CSMD3: variants seen among roughly 807,000 people sequenced by gnomAD.
The protein encoded by CSMD3 is CUB and Sushi multiple domains 3.
Under a neutral mutation model 435.2 loss-of-function variants are expected in CSMD3, and 177 were observed. The observed-to-expected ratio is 0.41, with a 90% CI of 0.36 to 0.46. The LOEUF is 0.46. Ranked by LOEUF, CSMD3 falls within the 20% of genes least tolerant of loss-of-function variation. The pLI is 0.34. For missense variants in CSMD3, 4,265 were observed against 4,504.6 expected, an observed-to-expected ratio of 0.95 and a Z score of 1.52; for synonymous variants, 1,656 against 1,520.5, an observed-to-expected ratio of 1.09 and a Z score of -2.07.
intron 11 of CSMD3, among the ~76,000 whole-genome samples, chr8:112,856,741 A>G (rs1391417953): frequency 6.6e-6 from 1 of 151,880 alleles, no homozygotes; most frequent in African/African-American, 2.4e-5. Flanking sequence ...AGAACACCAT[A>G]ATTGCTCAAA....
chr8:113,270,625 C>A (rs1037804257), intron 3 of CSMD3, among the ~76,000 whole-genome samples: 4 of 152,054 alleles, frequency 2.6e-5, no homozygotes, highest in African/African-American at 7.2e-5. Flanking sequence ...CACATATACA[C>A]CATGGAATAC....
chr8:112,261,425 C>A (rs1816388434), intron 61 of CSMD3, among the ~76,000 whole-genome samples: 1 of 151,902 alleles, frequency 6.6e-6, no homozygotes, highest in Non-Finnish European at 1.5e-5. Context: ...AGAAAGCATC[C>A]CTTTTCTTAG....
At chr8:113,272,666 T>C (rs2093538276) in intron 3 of CSMD3, among the ~76,000 whole-genome samples, 1 of 152,182 alleles carries the variant, frequency 6.6e-6, no homozygotes. Context: ...CAGTATTGGG[T>C]ATGTCTTTAT....
At chr8:112,404,644 C>T (rs1347164837) in intron 35 of CSMD3, among the ~76,000 whole-genome samples, 1 of 151,642 alleles carries the variant, frequency 6.6e-6, no homozygotes, top group African/African-American at 2.4e-5. Context: ...ATTTTTTATT[C>T]TAATGACCTA....
rs1281970419 is a variant in CSMD3, at chr8:113,302,291, T to TATATATAATATTATATATATTATATATA, written c.401+12279_401+12280insTATATATAATATATATAATATTATATAT. On this transcript the variant is annotated intron_variant, in intron 2 of 70. Transcript: ENST00000297405. The stretch of plus-strand genomic sequence containing the variant: ...TATAATATATAATTATAATATATAA[T>TATATATAATATTATATATATTATATATA]ATAATATAATATATATATTATATAT... 1.5e-3 allele frequency among the ~76,000 whole-genome samples: 12 copies of TATATATAATATTATATATATTATATATA among 7,930 alleles called. No individual in the cohort carries two copies. In the African/African-American group the frequency reaches 0.019, roughly 12 times the overall value. 5.2% of individuals were successfully genotyped at this position (7,930 alleles called of 152,430 possible). A position where few individuals can be genotyped will look rare whatever the true frequency, so the allele number is the denominator to read the frequency against.
At chr8:112,405,003 C>T (rs1831652430) in intron 35 of CSMD3, among the ~76,000 whole-genome samples, 2 of 150,042 alleles carry the variant, frequency 1.3e-5, no homozygotes, top group Non-Finnish European at 3.0e-5. Flanking sequence ...CATGGTGAGA[C>T]CTGGTCCCTT....
chr8:112,966,301 T>C (rs528825650), intron 7 of CSMD3, among the ~76,000 whole-genome samples: 2 of 151,720 alleles, frequency 1.3e-5, no homozygotes, highest in East Asian at 3.9e-4. Context: ...TTAAAATAAA[T>C]ACATTAGTTA....
intron 6 of CSMD3, among the ~76,000 whole-genome samples, chr8:113,001,439 A>G (rs1354761045): frequency 2.0e-5 from 3 of 152,040 alleles, no homozygotes; most frequent in Admixed American, 2.0e-4. Flanking sequence ...CTTCTCTTCA[A>G]TGTTGCTGTC....
chr8:112,359,115 T>G (rs1453742481), intron 38 of CSMD3, among the ~76,000 whole-genome samples: 23 of 152,190 alleles, frequency 1.5e-4, no homozygotes, highest in Admixed American at 1.5e-3. Flanking sequence ...TTATTCATTT[T>G]GTTGTAATTA....
chr8:112,837,166 A>C (rs2080050412), intron 11 of CSMD3, among the ~76,000 whole-genome samples: 1 of 151,826 alleles, frequency 6.6e-6, no homozygotes, highest in African/African-American at 2.4e-5. Context: ...TCGGGAAAAA[A>C]ATATAGAAAG....
intron 13 of CSMD3, among the ~76,000 whole-genome samples, chr8:112,699,768 A>G (rs974538197): frequency 1.3e-5 from 2 of 152,214 alleles, no homozygotes; most frequent in African/African-American, 4.8e-5. Flanking sequence ...TGGATATGGG[A>G]AAATATTGTA....
At chr8:113,040,667 G>A (rs575108460) in intron 5 of CSMD3, among the ~76,000 whole-genome samples, 2 of 152,264 alleles carry the variant, frequency 1.3e-5, no homozygotes, top group East Asian at 3.9e-4. Context: ...ACCATCAGAT[G>A]TTGAAATCTG....
intron 23 of CSMD3, among the ~76,000 whole-genome samples, chr8:112,580,708 G>A (rs1291543975): frequency 6.6e-6 from 1 of 152,020 alleles, no homozygotes; most frequent in Non-Finnish European, 1.5e-5. Flanking sequence ...TTTTGCAGTT[G>A]GGATAACTAG....
At chr8:113,376,748 C>A (rs1588627060) in intron 1 of CSMD3, 3 of 1,614,008 alleles carry the variant, frequency 1.9e-6, no homozygotes, top group East Asian at 4.5e-5. Flanking sequence ...CTGAGGCTGT[C>A]TGTCGGTCAA....
chr8:113,192,425 G>A (rs2092599062), intron 3 of CSMD3, among the ~76,000 whole-genome samples: 1 of 151,394 alleles, frequency 6.6e-6, no homozygotes, highest in Admixed American at 6.6e-5. Flanking sequence ...CTTTCAGTAT[G>A]GAAATTCTTG....
At chr8:112,837,170 T>C (rs2080050596) in intron 11 of CSMD3, among the ~76,000 whole-genome samples, 1 of 151,776 alleles carries the variant, frequency 6.6e-6, no homozygotes, top group African/African-American at 2.4e-5. Context: ...GAAAAAAATA[T>C]AGAAAGCATC....
chr8:112,516,421 A>T (rs1044949707), intron 28 of CSMD3, among the ~76,000 whole-genome samples: 1 of 152,160 alleles, frequency 6.6e-6, no homozygotes, highest in African/African-American at 2.4e-5. Context: ...TTTTATTCCA[A>T]AAGCGGGACA....
intron 9 of CSMD3, among the ~76,000 whole-genome samples, chr8:112,947,477 C>G (rs995138903): frequency 6.6e-6 from 1 of 151,390 alleles, no homozygotes; most frequent in African/African-American, 2.4e-5. Flanking sequence ...GCAACTTACC[C>G]AAGATCAGAC....
chr8:113,228,376 G>T (rs1211902788), intron 3 of CSMD3, among the ~76,000 whole-genome samples: 1 of 151,464 alleles, frequency 6.6e-6, no homozygotes, highest in African/African-American at 2.4e-5. Flanking sequence ...TGTATTATCT[G>T]GACATTGGGC....
Sources: allele counts gnomAD v4.1 joint callset (sites outside exome capture counted in the v4.1 genomes callset), GRCh38; gene constraint gnomAD v4.1.1; transcripts MANE v1.5; gene names NCBI Gene and HGNC (gene_info 2026-07-23, HGNC 2026-07-21).